The following MCMBP variants were observed in gnomAD, a reference collection of about 807,000 sequenced individuals.
The protein encoded by MCMBP is minichromosome maintenance complex binding protein.
In MCMBP, 31 loss-of-function variants were observed where a neutral mutation model predicts 81.3. The ratio of observed to expected loss-of-function variants is 0.38; its 90% CI spans 0.29 to 0.51. MCMBP has a LOEUF of 0.51. Among genes scored for constraint, MCMBP ranks in the 20% least tolerant of loss-of-function variants. The pLI, the probability that MCMBP is intolerant of heterozygous loss-of-function variation, is 0.87. For synonymous variants in MCMBP, 267 were observed against 275.9 expected, an observed-to-expected ratio of 0.97 and a Z score of 0.32; for missense variants, 645 against 772.1, an observed-to-expected ratio of 0.84 and a Z score of 1.95.
intron 5 of MCMBP, among the ~76,000 whole-genome samples, chr10:119,854,970 A>C: frequency 6.6e-6 from 1 of 151,446 alleles, no homozygotes; most frequent in South Asian, 2.1e-4. Context: ...AAAAAAAAAA[A>C]AATAAAATAA....
chr10:119,849,997 C>T (rs1037527397), intron 6 of MCMBP, among the ~76,000 whole-genome samples: 1 of 152,096 alleles, frequency 6.6e-6, no homozygotes, highest in Admixed American at 6.6e-5. Flanking sequence ...AATTAATTTA[C>T]CAAATACTTA....
At chr10:119,851,279 TATAA>T (rs1852817575) in intron 6 of MCMBP, among the ~76,000 whole-genome samples, 1 of 152,166 alleles carries the variant, frequency 6.6e-6, no homozygotes, top group Non-Finnish European at 1.5e-5. Context: ...TGTTACTTTA[TATAA>T]ATAAAGTACT....
In MCMBP at chr10:119,831,311, A is replaced by T; in HGVS notation, c.*163T>A. On this transcript the variant is annotated 3_prime_UTR_variant, in exon 16 of 16. Transcript: ENST00000369077. ...TGAAATCAGTAAGGTAAAAGTCCTT[A>T]CTGAATATCATATAAACATCAGGTG... 6 of 630,968 alleles carry T rather than the reference A, an allele frequency of 9.5e-6. No homozygotes were observed. 39.1% of individuals were successfully genotyped at this position (630,968 alleles called of 1,614,324 possible).
rs777090015 is a variant in MCMBP, at chr10:119,840,816, TA to T, written c.1242+26del. On this transcript the variant is annotated intron_variant, in intron 11 of 15. Transcript: ENST00000369077. ...TGGATTTTTTAAGTGTGCTTAGGTT[TA>T]TAATACATATTTATATTCATCTTAC... 1.2e-5 allele frequency: 16 copies of T among 1,372,318 alleles called. No homozygotes were observed. The South Asian group carries it at 1.9e-4, about 16-fold the overall frequency. 85.0% of individuals were successfully genotyped at this position (1,372,318 alleles called of 1,614,324 possible).
In MCMBP at chr10:119,831,476, A is replaced by G; in HGVS notation, c.1921T>C (p.Ter641GlnextTer8). The G allele has an allele frequency of 6.2e-7, 1 of 1,613,890 alleles. No homozygotes were observed. The highest frequency in any genetic ancestry group is 8.5e-7 in the Non-Finnish European group (1 of 1,179,836). Residue 641 changes from the stop codon to glutamine, a stop_lost, in exon 16 of 16, where the codon TAA (stop) becomes CAA (glutamine). Transcript: ENST00000369077. Reference protein sequence around the residue: ...QQKCVNGNEL* With the variant: ...QQKCVNGNELQ Reference sequence around the variant, plus strand: ...TACTCTTCATAGGTATTACATCTTTAAAGTTCATTTCCATTCACACATTTT... The same window carrying G: ...TACTCTTCATAGGTATTACATCTTTGAAGTTCATTTCCATTCACACATTTT...
At chr10:119,847,477 T>C (rs1852657045) in intron 8 of MCMBP, 136 bp downstream of exon 8, 1 of 487,172 alleles carries the variant, frequency 2.1e-6, no homozygotes, top group Admixed American at 3.8e-5. Context: ...ACAAAACACA[T>C]GGGGTGCAAG....
At position 119,831,335 on chromosome 10, in the gene MCMBP, T is replaced by A; in HGVS notation, c.*139A>T. The A allele has an allele frequency of 3.2e-6, 3 of 934,768 alleles. No individual in the cohort carries two copies. Among genetic ancestry groups the A allele is most frequent in the Non-Finnish European group, 3.2e-6 (2 of 625,534 alleles). 57.9% of individuals were successfully genotyped at this position (934,768 alleles called of 1,614,324 possible). A position where few individuals can be genotyped will look rare whatever the true frequency, so the allele number is the denominator to read the frequency against. On this transcript the variant is annotated 3_prime_UTR_variant, in exon 16 of 16. Coordinates refer to ENST00000369077, the MANE Select transcript of MCMBP (RefSeq NM_001256378.2). ...TACTGAATATCATATAAACATCAGGTGTTACCAGGCTTGATTTCAGGAAAT... is the reference window on the plus strand; with the variant it reads ...TACTGAATATCATATAAACATCAGGAGTTACCAGGCTTGATTTCAGGAAAT...
At chr10:119,840,491 C>T (rs2134349953) in intron 11 of MCMBP, among the ~76,000 whole-genome samples, 1 of 152,182 alleles carries the variant, frequency 6.6e-6, no homozygotes, top group South Asian at 2.1e-4. Flanking sequence ...ACTTTATTAC[C>T]TCAACTAAAA....
chr10:119,873,142 A>G (rs923554514), upstream of MCMBP, among the ~76,000 whole-genome samples: 1 of 152,158 alleles, frequency 6.6e-6, no homozygotes, highest in African/African-American at 2.4e-5. Context: ...TCTGCACAAC[A>G]GCTGAAAAGC....
chr10:119,830,583 A>G lies in MCMBP; in HGVS notation c.*891T>C, dbSNP rs1851986597. The G allele has an allele frequency of 6.6e-6, 1 of 152,344 alleles. No homozygotes were observed. The highest frequency in any genetic ancestry group is 1.5e-5 in the Non-Finnish European group (1 of 68,034). The allele number at this position is 152,344 out of a possible 1,614,324, so 9.4% of individuals were successfully genotyped here. ...TCCTATTTTGTTTTCATATTTGGGC[A>G]CAGCTTTGTAGCACAGCATTCCCTT... On this transcript the variant is annotated 3_prime_UTR_variant, in exon 16 of 16. Transcript: ENST00000369077.
chr10:119,841,647 A>G lies in MCMBP; in HGVS notation c.1125-687T>C, dbSNP rs1589780654. On this transcript the variant is annotated intron_variant, in intron 10 of 15. Transcript: ENST00000369077. ...CATATGTAAACAAAAACCAATGAACATGTACCTAAAGGTTAACGGAGGTTC... is the reference window on the plus strand; with the variant it reads ...CATATGTAAACAAAAACCAATGAACGTGTACCTAAAGGTTAACGGAGGTTC... 2.0e-5 allele frequency among the ~76,000 whole-genome samples: 3 copies of G among 152,366 alleles called. 1 individual carries two copies. Among genetic ancestry groups the G allele is most frequent in the Middle Eastern group, 6.8e-3 (2 of 294 alleles).
chr10:119,832,823 G>C (rs764595800), intron 14 of MCMBP, among the ~76,000 whole-genome samples: 1 of 152,192 alleles, frequency 6.6e-6, no homozygotes, highest in African/African-American at 2.4e-5. Flanking sequence ...TTAGCTACCT[G>C]AGACACTGGG....
chr10:119,833,977 G>C (rs1203678284), intron 14 of MCMBP, among the ~76,000 whole-genome samples: 2 of 152,136 alleles, frequency 1.3e-5, no homozygotes, highest in African/African-American at 4.8e-5. Context: ...GAGGTGCTCA[G>C]ATTTGATCAG....
intron 14 of MCMBP, among the ~76,000 whole-genome samples, chr10:119,832,405 C>G (rs1852081645): frequency 6.6e-6 from 1 of 152,152 alleles, no homozygotes; most frequent in Non-Finnish European, 1.5e-5. Flanking sequence ...ACTGTCTCTA[C>G]TGTTAACACT....
At chr10:119,873,392 A>C (rs914290545), upstream of MCMBP, 1 of 152,164 alleles carries the variant, frequency 6.6e-6, no homozygotes, top group Non-Finnish European at 1.5e-5. Context: ...CTCCTTCTGC[A>C]GTCGCGTCAG....
chr10:119,841,665 G>A (rs1008653149), intron 10 of MCMBP, among the ~76,000 whole-genome samples: 1 of 152,196 alleles, frequency 6.6e-6, no homozygotes, highest in African/African-American at 2.4e-5. Flanking sequence ...AAAGGTTAAC[G>A]GAGGTTCTAA....
At chr10:119,838,242 TATG>T (rs1420669725) in intron 12 of MCMBP, among the ~76,000 whole-genome samples, 2 of 148,266 alleles carry the variant, frequency 1.3e-5, no homozygotes, top group East Asian at 3.9e-4. Flanking sequence ...ATATATAATA[TATG>T]ATATATATTA....
rs34034506 is a variant in MCMBP, at chr10:119,859,275, TACACAC to T, written c.145-100_145-95del. 3.7e-3 allele frequency: 2,279 copies of T among 611,102 alleles called. 2 individuals carry two copies. Among genetic ancestry groups the T allele is most frequent in the South Asian group, 0.012 (442 of 37,734 alleles). The allele number at this position is 611,102 out of a possible 1,614,324, so 37.9% of individuals were successfully genotyped here. The stretch of plus-strand genomic sequence containing the variant: ...AACTTTATATCCAGACTCAAACTGT[TACACAC>T]ACACACACACACACACACACACACC... On this transcript the variant is annotated intron_variant, in intron 2 of 15. Coordinates refer to ENST00000369077, the MANE Select transcript of MCMBP (RefSeq NM_001256378.2).
intron 1 of MCMBP, among the ~76,000 whole-genome samples, chr10:119,867,311 A>T (rs886536086): frequency 2.6e-5 from 4 of 151,420 alleles, no homozygotes; most frequent in Non-Finnish European, 5.9e-5. Flanking sequence ...AAAAAAAAAA[A>T]AAAAAAAAAA....
Sources: gnomAD v4.1 joint callset for allele counts (sites outside exome capture counted in the v4.1 genomes callset) on GRCh38, gnomAD v4.1.1 for gene constraint, MANE v1.5 for transcripts, NCBI Gene and HGNC (gene_info 2026-07-23, HGNC 2026-07-21) for gene names.